CDH13: variants seen among roughly 807,000 people sequenced by gnomAD.
CDH13 encodes the protein cadherin-13.
In CDH13, 24 loss-of-function variants were observed where a neutral mutation model predicts 63.8. The ratio of observed to expected loss-of-function variants is 0.38; its 90% CI spans 0.27 to 0.53. The LOEUF (loss-of-function observed/expected upper bound fraction) is 0.53, where lower values mean the gene tolerates loss of function less well. Among genes scored for constraint, CDH13 ranks in the 20% least tolerant of loss-of-function variants. CDH13 has a pLI of 0.85. For synonymous variants in CDH13, 503 were observed against 355.3 expected, an observed-to-expected ratio of 1.42 and a Z score of -4.67; for missense variants, 1,049 against 903.1, an observed-to-expected ratio of 1.16 and a Z score of -2.07.
At chr16:83,652,385 A>C (rs1912464777) in intron 8 of CDH13, among the ~76,000 whole-genome samples, 1 of 152,054 alleles carries the variant, frequency 6.6e-6, no homozygotes, top group African/African-American at 2.4e-5. Context: ...ACAGCTCTGG[A>C]GATTAGACAT....
chr16:83,489,308 A>C (rs1231231575), intron 7 of CDH13, among the ~76,000 whole-genome samples: 1 of 152,188 alleles, frequency 6.6e-6, no homozygotes, highest in Non-Finnish European at 1.5e-5. Flanking sequence ...AAGTTGAATT[A>C]AGCATTTCTA....
intron 5 of CDH13, among the ~76,000 whole-genome samples, chr16:83,231,977 A>G (rs1388671557): frequency 1.3e-5 from 2 of 152,134 alleles, no homozygotes; most frequent in Admixed American, 1.3e-4. Flanking sequence ...ACAGAAAACC[A>G]AATACCACAT....
chr16:82,780,026 A>G (rs1178968931), intron 1 of CDH13, among the ~76,000 whole-genome samples: 1 of 152,206 alleles, frequency 6.6e-6, no homozygotes, highest in African/African-American at 2.4e-5. Flanking sequence ...CATTTTGCCC[A>G]TGATTTCAGG....
At chr16:83,153,944 A>G (rs963166733) in intron 4 of CDH13, among the ~76,000 whole-genome samples, 7 of 152,178 alleles carry the variant, frequency 4.6e-5, no homozygotes, top group African/African-American at 1.7e-4. Flanking sequence ...AGTTCAGTGC[A>G]ACAAAAGAAG....
At chr16:82,988,613 T>C (rs935313902) in intron 2 of CDH13, among the ~76,000 whole-genome samples, 2 of 151,934 alleles carry the variant, frequency 1.3e-5, no homozygotes, top group Non-Finnish European at 2.9e-5. Context: ...ATACAAAAAT[T>C]AGCTGGGCAT....
chr16:82,788,277 G>A (rs1443459809), intron 1 of CDH13, among the ~76,000 whole-genome samples: 1 of 152,152 alleles, frequency 6.6e-6, no homozygotes, highest in Non-Finnish European at 1.5e-5. Flanking sequence ...TGGTTGGGAT[G>A]GTTCTCCACG....
chr16:83,091,411 T>C (rs576767079), intron 3 of CDH13, among the ~76,000 whole-genome samples: 1 of 152,348 alleles, frequency 6.6e-6, no homozygotes, highest in Non-Finnish European at 1.5e-5. Flanking sequence ...AATCATGAGA[T>C]GTTGCCATTC....
Position 82,720,454 on chromosome 16 carries a change from C to T in CDH13, c.45+93317C>T, listed in dbSNP as rs536505729. ...CTTGGGTGGCCAAAGCCTCTGCTAG[C>T]ACAGGGTAGGAACTGACCCTGGACA... On this transcript the variant is annotated intron_variant, in intron 1 of 13. Coordinates refer to ENST00000567109, the MANE Select transcript of CDH13 (RefSeq NM_001257.5). 1.6e-4 allele frequency among the ~76,000 whole-genome samples: 25 copies of T among 152,250 alleles called. No individual in the cohort carries two copies. The East Asian group carries it at 4.8e-3, about 29-fold the overall frequency.
At chr16:83,408,341 T>C (rs1168501342) in intron 6 of CDH13, among the ~76,000 whole-genome samples, 1 of 152,192 alleles carries the variant, frequency 6.6e-6, no homozygotes, top group Non-Finnish European at 1.5e-5. Flanking sequence ...TGAGAAGGTA[T>C]CATTAGATGA....
intron 1 of CDH13, among the ~76,000 whole-genome samples, chr16:82,750,536 C>CTG (rs1225694654): frequency 6.6e-6 from 1 of 152,330 alleles, no homozygotes; most frequent in Non-Finnish European, 1.5e-5. Flanking sequence ...AATGATCTGA[C>CTG]ATAGACTGAA....
chr16:83,416,219 C>G lies in CDH13; in HGVS notation c.782-70258C>G, dbSNP rs180833317. On this transcript the variant is annotated intron_variant, in intron 6 of 13. Transcript: ENST00000567109. ...CAGTGAAAGACATGTATTCTGAAAACTACAAAACATTGACGAAGGGAATTT... is the reference window on the plus strand; with the variant it reads ...CAGTGAAAGACATGTATTCTGAAAAGTACAAAACATTGACGAAGGGAATTT... 3.2e-3 allele frequency among the ~76,000 whole-genome samples: 493 copies of G among 152,260 alleles called. 3 individuals are homozygous for G. Among genetic ancestry groups the G allele is most frequent in the African/African-American group, 0.012 (480 of 41,560 alleles).
At chr16:83,629,702 A>G (rs1228595898) in intron 8 of CDH13, among the ~76,000 whole-genome samples, 4 of 152,192 alleles carry the variant, frequency 2.6e-5, no homozygotes, top group Non-Finnish European at 5.9e-5. Flanking sequence ...TCTCCACTTC[A>G]TTCACTTTGG....
chr16:83,367,450 G>C (rs931803741), intron 6 of CDH13, among the ~76,000 whole-genome samples: 1 of 152,158 alleles, frequency 6.6e-6, no homozygotes, highest in African/African-American at 2.4e-5. Flanking sequence ...ATGCTGCTCT[G>C]AACATTTTTG....
intron 1 of CDH13, among the ~76,000 whole-genome samples, chr16:82,787,443 G>A (rs1271415749): frequency 6.6e-6 from 1 of 152,150 alleles, no homozygotes; most frequent in Non-Finnish European, 1.5e-5. Context: ...GCAGATGTCG[G>A]TGGACTGATA....
intron 6 of CDH13, among the ~76,000 whole-genome samples, chr16:83,457,021 AG>A (rs2073041821): frequency 6.6e-6 from 1 of 152,170 alleles, no homozygotes; most frequent in South Asian, 2.1e-4. Flanking sequence ...ATGCCAGGTA[AG>A]CAAGAGGCAG....
intron 1 of CDH13, among the ~76,000 whole-genome samples, chr16:82,811,646 A>G (rs1321619582): frequency 1.3e-5 from 2 of 152,336 alleles, no homozygotes; most frequent in African/African-American, 2.4e-5. Flanking sequence ...AAGAGGGACC[A>G]TAGAGACCAA....
chr16:83,549,066 C>G (rs1057145828), intron 7 of CDH13, among the ~76,000 whole-genome samples: 1 of 152,160 alleles, frequency 6.6e-6, no homozygotes, highest in Admixed American at 6.5e-5. Flanking sequence ...CAAGAGTGCT[C>G]TGAAAGCTCA....
chr16:82,932,715 C>G (rs1390919943), intron 2 of CDH13, among the ~76,000 whole-genome samples: 3 of 152,132 alleles, frequency 2.0e-5, no homozygotes, highest in African/African-American at 7.2e-5. Context: ...TGAGTTGAAA[C>G]ATTTGATATG....
At chr16:82,710,782 T>C (rs1433881722) in intron 1 of CDH13, among the ~76,000 whole-genome samples, 1 of 148,350 alleles carries the variant, frequency 6.7e-6, no homozygotes, top group Non-Finnish European at 1.5e-5. Context: ...AGTATATTTA[T>C]ATACAAATAT....
Sources: gnomAD v4.1 joint callset for allele counts (sites outside exome capture counted in the v4.1 genomes callset) on GRCh38, gnomAD v4.1.1 for gene constraint, MANE v1.5 for transcripts, NCBI Gene and HGNC (gene_info 2026-07-23, HGNC 2026-07-21) for gene names.